Variants in SPECC1 observed in about 807,000 individuals in gnomAD.
SPECC1 encodes cytospin-B.
In SPECC1, 62 loss-of-function variants were observed where a neutral mutation model predicts 104.1. The observed-to-expected ratio is 0.60, with a 90% confidence interval of 0.49 to 0.74. The LOEUF (loss-of-function observed/expected upper bound fraction) is 0.74. Ranked by LOEUF, SPECC1 falls within the 30% of genes least tolerant of loss-of-function variation. The pLI, the probability that SPECC1 is intolerant of heterozygous loss-of-function variation, is 0.00. For missense variants in SPECC1, 1,306 were observed against 1,310.5 expected (o/e 1.00, Z 0.05); for synonymous variants, 513 against 501.6 (o/e 1.02, Z -0.30).
At chr17:20,020,050 AGAAG>A (rs1639131749) in intron 1 of SPECC1, among the ~76,000 whole-genome samples, 1 of 152,208 alleles carries the variant, frequency 6.6e-6, no homozygotes, top group African/African-American at 2.4e-5. Flanking sequence ...AAGAACCACT[AGAAG>A]GAAGTAAGAA....
At chr17:20,216,500 G>A (rs778226398) in intron 4 of SPECC1, among the ~76,000 whole-genome samples, 1 of 152,086 alleles carries the variant, frequency 6.6e-6, no homozygotes, top group Non-Finnish European at 1.5e-5. Flanking sequence ...TCCTTTACAT[G>A]TGTCTGACAA....
intron 1 of SPECC1, among the ~76,000 whole-genome samples, chr17:20,046,646 G>A (rs1235551759): frequency 6.6e-6 from 1 of 152,156 alleles, no homozygotes; most frequent in Non-Finnish European, 1.5e-5. Flanking sequence ...GTCAAGGGGA[G>A]TATGTAGAAT....
At chr17:20,031,696 T>G (rs2044820264) in intron 1 of SPECC1, among the ~76,000 whole-genome samples, 1 of 152,190 alleles carries the variant, frequency 6.6e-6, no homozygotes, top group Non-Finnish European at 1.5e-5. Context: ...AACCACTGTT[T>G]TACTTTCTAT....
intron 7 of SPECC1, among the ~76,000 whole-genome samples, chr17:20,239,892 T>G (rs1214653221): frequency 7.8e-6 from 1 of 128,358 alleles, no homozygotes; most frequent in Admixed American, 8.0e-5. Flanking sequence ...TTTTTTTTTT[T>G]TTTTTTTTTT....
chr17:20,264,493 A>C (rs2040151210), intron 12 of SPECC1, among the ~76,000 whole-genome samples: 1 of 94,330 alleles, frequency 1.1e-5, no homozygotes, highest in Non-Finnish European at 1.9e-5. Flanking sequence ...TTTTTTTGAG[A>C]CAGAGTCTCA....
intron 12 of SPECC1, among the ~76,000 whole-genome samples, chr17:20,288,130 TG>T (rs1470754733): frequency 6.6e-6 from 1 of 152,244 alleles, no homozygotes; most frequent in Non-Finnish European, 1.5e-5. Context: ...GACATGATCT[TG>T]TTTTTTTATG....
At chr17:20,128,462 GAGCAGGA>G (rs965473127) in intron 3 of SPECC1, among the ~76,000 whole-genome samples, 4 of 152,190 alleles carry the variant, frequency 2.6e-5, no homozygotes, top group Non-Finnish European at 5.9e-5. Context: ...CACAAGGAGG[GAGCAGGA>G]AGCAGGAAGC....
intron 1 of SPECC1, among the ~76,000 whole-genome samples, chr17:20,081,728 G>C (rs565867104): frequency 6.6e-6 from 1 of 152,180 alleles, no homozygotes; most frequent in South Asian, 2.1e-4. Context: ...CGTTCTGGGC[G>C]TCAGGATCCC....
chr17:20,240,092 T>TTTG (rs59126801), intron 7 of SPECC1, among the ~76,000 whole-genome samples: 3 of 126,706 alleles, frequency 2.4e-5, no homozygotes, highest in Non-Finnish European at 4.8e-5. Flanking sequence ...TTTTTTTTTT[T>TTTG]GGTAGACACG....
chr17:20,044,877 T>G (rs2045476100), intron 1 of SPECC1, among the ~76,000 whole-genome samples: 1 of 152,216 alleles, frequency 6.6e-6, no homozygotes, highest in South Asian at 2.1e-4. Context: ...GACTAAAATA[T>G]TCAACATGGT....
chr17:20,147,440 T>C (rs2031577274), intron 3 of SPECC1, among the ~76,000 whole-genome samples: 2 of 152,210 alleles, frequency 1.3e-5, no homozygotes, highest in Non-Finnish European at 2.9e-5. Flanking sequence ...TAAAAAATTA[T>C]TGTTAATATT....
intron 1 of SPECC1, chr17:20,010,191 T>C (rs1398877857): frequency 5.9e-5 from 9 of 151,608 alleles, no homozygotes; most frequent in Non-Finnish European, 1.2e-4. Flanking sequence ...GAATATCTTA[T>C]TTTGCTGGAG....
intron 7 of SPECC1, among the ~76,000 whole-genome samples, chr17:20,244,949 T>G (rs1246163063): frequency 6.6e-6 from 1 of 152,136 alleles, no homozygotes; most frequent in Non-Finnish European, 1.5e-5. Flanking sequence ...GATTGAGGAT[T>G]GGGTCAATGA....
At chr17:20,127,111 T>C (rs563416703) in intron 3 of SPECC1, among the ~76,000 whole-genome samples, 11 of 152,396 alleles carry the variant, frequency 7.2e-5, no homozygotes, top group African/African-American at 2.4e-4. Flanking sequence ...ATTATGTTTT[T>C]AATCTTTAGT....
chr17:20,259,876 T>C (rs954705270), intron 11 of SPECC1, among the ~76,000 whole-genome samples: 2 of 152,184 alleles, frequency 1.3e-5, no homozygotes, highest in Non-Finnish European at 2.9e-5. Flanking sequence ...GTGTTTTGTT[T>C]ACGTATCTTT....
At chr17:20,141,861 T>C (rs1161965702) in intron 3 of SPECC1, among the ~76,000 whole-genome samples, 2 of 152,224 alleles carry the variant, frequency 1.3e-5, no homozygotes, top group Non-Finnish European at 2.9e-5. Flanking sequence ...CCGATTCAGT[T>C]ACGTAACTTT....
chr17:20,270,463 A>C (rs984572985), intron 12 of SPECC1, among the ~76,000 whole-genome samples: 7 of 102,630 alleles, frequency 6.8e-5, no homozygotes, highest in African/African-American at 2.9e-4. Flanking sequence ...AAAAAAAAAA[A>C]AAAACATTAG....
intron 9 of SPECC1, among the ~76,000 whole-genome samples, chr17:20,252,618 C>G (rs953223427): frequency 6.6e-6 from 1 of 152,194 alleles, no homozygotes; most frequent in Non-Finnish European, 1.5e-5. Context: ...TTATGCCGCT[C>G]TTGTCCTTCA....
intron 3 of SPECC1, among the ~76,000 whole-genome samples, chr17:20,119,386 C>T (rs2048917753): frequency 6.6e-6 from 1 of 152,240 alleles, no homozygotes; most frequent in African/African-American, 2.4e-5. Flanking sequence ...GCTTGCGCCA[C>T]CACGCCCAGC....
Sources: gnomAD v4.1 joint callset for allele counts (sites outside exome capture counted in the v4.1 genomes callset) on GRCh38, gnomAD v4.1.1 for gene constraint, MANE v1.5 for transcripts, NCBI Gene and HGNC (gene_info 2026-07-23, HGNC 2026-07-21) for gene names.